The following TMEM131L variants were observed in gnomAD, a reference collection of about 807,000 sequenced individuals.
TMEM131L encodes the protein transmembrane protein 131-like.
Under a neutral mutation model 192.2 loss-of-function variants are expected in TMEM131L, and 54 were observed. That is an observed-to-expected ratio of 0.28 (90% confidence interval 0.23 to 0.35). The LOEUF (loss-of-function observed/expected upper bound fraction) is 0.35, where lower values mean the gene tolerates loss of function less well. Ranked by LOEUF, TMEM131L falls within the 10% of genes least tolerant of loss-of-function variation. The pLI, the probability that TMEM131L is intolerant of heterozygous loss-of-function variation, is 1.00. For synonymous variants in TMEM131L, 701 were observed against 704.9 expected, an observed-to-expected ratio of 0.99 and a Z score of 0.09; for missense variants, 1,888 against 1,972.9, an observed-to-expected ratio of 0.96 and a Z score of 0.82.
At position 153,488,693 on chromosome 4, in the gene TMEM131L, C is replaced by G. The variant is rs542916728; in HGVS notation, c.239+14805C>G. On this transcript the variant is annotated intron_variant, in intron 3 of 34. Coordinates refer to ENST00000409959, the MANE Select transcript of TMEM131L (RefSeq NM_001131007.2). ...TGGTGTATTAATTTCCCAGGGCTGT[C>G]TAACGAAGTGCCACAAACTGCGCGG... Among the ~76,000 whole-genome samples, 301 of 152,320 alleles carry G rather than the reference C, an allele frequency of 2.0e-3. 1 individual carries two copies. The highest frequency in any genetic ancestry group is 6.8e-3 in the African/African-American group (284 of 41,560).
At chr4:153,624,101 T>TCAC (rs1029945537) in intron 29 of TMEM131L, among the ~76,000 whole-genome samples, 20 of 138,686 alleles carry the variant, frequency 1.4e-4, no homozygotes, top group Admixed American at 1.3e-3. Flanking sequence ...CTCTTTTCAC[T>TCAC]CAGTTTTTTT....
intron 3 of TMEM131L, among the ~76,000 whole-genome samples, chr4:153,476,829 T>C (rs1486797758): frequency 2.0e-5 from 3 of 152,152 alleles, no homozygotes; most frequent in Non-Finnish European, 4.4e-5. Flanking sequence ...AAATGGATAA[T>C]GGTAGATATC....
chr4:153,523,903 G>GAGGCCT (rs1222837647), intron 3 of TMEM131L, among the ~76,000 whole-genome samples: 1 of 152,134 alleles, frequency 6.6e-6, no homozygotes, highest in Non-Finnish European at 1.5e-5. Flanking sequence ...CTAATCAGAG[G>GAGGCCT]AGGCCTCAGC....
At chr4:153,635,348 C>T in intron 33 of TMEM131L, 84 bp from the exon 34 acceptor site, 1 of 1,363,044 alleles carries the variant, frequency 7.3e-7, no homozygotes. Context: ...ATAGTGAGAC[C>T]TTGAAAGCTT....
intron 29 of TMEM131L, 69 bp downstream of exon 29, chr4:153,623,152 A>T (rs1733567669): frequency 4.3e-6 from 6 of 1,391,382 alleles, no homozygotes; most frequent in Non-Finnish European, 3.8e-6. Context: ...TACCCAGTCC[A>T]CACAGTCTCG....
intron 25 of TMEM131L, among the ~76,000 whole-genome samples, chr4:153,610,731 T>C (rs2126559423): frequency 6.6e-6 from 1 of 152,312 alleles, no homozygotes; most frequent in Middle Eastern, 3.4e-3. Context: ...AGAGGGGACT[T>C]GACTGCTCCT....
At chr4:153,552,170 G>A (rs908623741) in intron 4 of TMEM131L, among the ~76,000 whole-genome samples, 2 of 151,986 alleles carry the variant, frequency 1.3e-5, no homozygotes, top group African/African-American at 4.8e-5. Context: ...AGATCATCAT[G>A]CCACCGAGTT....
intron 31 of TMEM131L, among the ~76,000 whole-genome samples, 186 bp downstream of exon 31, chr4:153,627,873 G>A (rs970002544): frequency 4.6e-5 from 7 of 152,158 alleles, no homozygotes; most frequent in Middle Eastern, 3.2e-3. Flanking sequence ...CATCATTGGG[G>A]CCCCAGCTGA....
Position 153,621,536 on chromosome 4 carries a change from A to G in TMEM131L, c.3693-147A>G, listed in dbSNP as rs1193581540. On this transcript the variant is annotated intron_variant, in intron 27 of 34. Transcript: ENST00000409959. ...TTATTGGTATCCCTTTCTGCTCATCATACTCTTCCACCAGACCCAAAGAGA... is the reference window on the plus strand; with the variant it reads ...TTATTGGTATCCCTTTCTGCTCATCGTACTCTTCCACCAGACCCAAAGAGA... 33 of 695,554 alleles carry G rather than the reference A, an allele frequency of 4.7e-5. No homozygotes were observed. In the East Asian group the frequency reaches 8.7e-4, roughly 18 times the overall value. The allele number at this position is 695,554 out of a possible 1,614,324, so 43.1% of individuals were successfully genotyped here. A position where few individuals can be genotyped will look rare whatever the true frequency, so the allele number is the denominator to read the frequency against.
At chr4:153,511,526 A>G (rs544375179) in intron 3 of TMEM131L, among the ~76,000 whole-genome samples, 1 of 152,292 alleles carries the variant, frequency 6.6e-6, no homozygotes, top group East Asian at 1.9e-4. Context: ...CTGAGTACTA[A>G]GCTTAGTAGC....
chr4:153,581,956 C>T (rs571793581), intron 9 of TMEM131L, among the ~76,000 whole-genome samples: 6 of 152,232 alleles, frequency 3.9e-5, no homozygotes, highest in Non-Finnish European at 7.4e-5. Context: ...TAATAGGTTG[C>T]GGTTGTTCCT....
chr4:153,550,940 T>G (rs1737574979), intron 4 of TMEM131L, among the ~76,000 whole-genome samples: 1 of 152,146 alleles, frequency 6.6e-6, no homozygotes, highest in South Asian at 2.1e-4. Flanking sequence ...GACAGTGTGA[T>G]ATGAGTGTCA....
chr4:153,594,090 T>A (rs569398354), intron 19 of TMEM131L, among the ~76,000 whole-genome samples: 2 of 152,310 alleles, frequency 1.3e-5, no homozygotes, highest in African/African-American at 4.8e-5. Flanking sequence ...ATTTGATTAT[T>A]TAGAATCATG....
chr4:153,474,071 G>C (rs1386983864), intron 3 of TMEM131L, among the ~76,000 whole-genome samples, 183 bp downstream of exon 3: 2 of 151,806 alleles, frequency 1.3e-5, no homozygotes, highest in East Asian at 3.8e-4. Flanking sequence ...TTTAAAATAA[G>C]GTTGTTTAGA....
At chr4:153,602,499 C>T (rs1284465053) in intron 22 of TMEM131L, 43 bp from the exon 23 acceptor site, 1 of 1,597,508 alleles carries the variant, frequency 6.3e-7, no homozygotes, top group Non-Finnish European at 8.6e-7. Context: ...TGGCTAAAAT[C>T]AAAACAATTA....
Position 153,621,834 on chromosome 4 carries a change from G to A in TMEM131L, c.3844G>A (p.Ala1282Thr). Residue 1282 changes from alanine to threonine, a missense_variant, in exon 28 of 35, where the codon GCC (alanine) becomes ACC (threonine). By Grantham distance (58) the Ala-to-Thr change is moderately conservative. Coordinates refer to ENST00000409959, the MANE Select transcript of TMEM131L (RefSeq NM_001131007.2). ...CGAAATTGCAAGCAGTTTACCTGCT[G>A]CCCAGAGAGAGGCAGGTATGTAATG... is the stretch of plus-strand genomic sequence containing the variant. Reference protein sequence around the residue: ...DAEIASSLPAAQREAEGYYQK... With the variant: ...DAEIASSLPATQREAEGYYQK... The A allele has an allele frequency of 6.2e-7, 1 of 1,614,028 alleles. No individual in the cohort carries two copies. The highest frequency in any genetic ancestry group is 8.5e-7 in the Non-Finnish European group (1 of 1,179,930).
At chr4:153,476,042 T>TCC in intron 3 of TMEM131L, among the ~76,000 whole-genome samples, 1 of 151,960 alleles carries the variant, frequency 6.6e-6, no homozygotes, top group African/African-American at 2.4e-5. Context: ...TACTGCAACC[T>TCC]CCCCCTCCTG....
At chr4:153,592,700 A>G in intron 18 of TMEM131L, 116 bp downstream of exon 18, 1 of 739,760 alleles carries the variant, frequency 1.4e-6, no homozygotes, top group Admixed American at 2.1e-5. Flanking sequence ...ACACAGTATT[A>G]ACCGATTAGC....
rs113591950 is a variant in TMEM131L at position 153,497,252 on chromosome 4, G to A, written c.239+23364G>A. Among the ~76,000 whole-genome samples the A allele has an allele frequency of 6.2e-4, 95 of 152,322 alleles. 1 individual carries two copies. The highest frequency in any genetic ancestry group is 2.0e-3 in the African/African-American group (84 of 41,562). ...CGTGAGTGTGTGCTGCTGAGAGGAT[G>A]GCAGAATGGCAAGGTGGGAGCATTC... On this transcript the variant is annotated intron_variant, in intron 3 of 34. Transcript: ENST00000409959.
Sources: allele counts gnomAD v4.1 joint callset (sites outside exome capture counted in the v4.1 genomes callset), GRCh38; gene constraint gnomAD v4.1.1; transcripts MANE v1.5; gene names NCBI Gene and HGNC (gene_info 2026-07-23, HGNC 2026-07-21).